ZFYVE28: variants seen among roughly 807,000 people sequenced by gnomAD.
The protein encoded by ZFYVE28 is lateral signaling target protein 2 homolog.
A neutral mutation model predicts 82.1 loss-of-function variants in ZFYVE28; 40 were observed. The ratio of observed to expected loss-of-function variants is 0.49; its 90% CI spans 0.38 to 0.63. The LOEUF (loss-of-function observed/expected upper bound fraction) is 0.63. ZFYVE28 is among the 30% of genes least tolerant of loss of function. The pLI is 0.00. For synonymous variants in ZFYVE28, 612 were observed against 546.1 expected (o/e 1.12, Z -1.68); for missense variants, 1,321 against 1,242.1 (o/e 1.06, Z -0.96).
intron 7 of ZFYVE28, among the ~76,000 whole-genome samples, chr4:2,317,419 T>C (rs1229233656): frequency 6.6e-6 from 1 of 152,236 alleles, no homozygotes; most frequent in Non-Finnish European, 1.5e-5. Flanking sequence ...AGGTCCATTG[T>C]TGCATTCCCT....
Position 2,297,491 on chromosome 4 carries a change from G to A in ZFYVE28, c.2051+6798C>T, listed in dbSNP as rs145379423. ...CTGGAGGCCAGGACCCACTGTCCGGGAGCGAGGTCATGAAGCGCCACTGCA... is the reference window on the plus strand; with the variant it reads ...CTGGAGGCCAGGACCCACTGTCCGGAAGCGAGGTCATGAAGCGCCACTGCA... On this transcript the variant is annotated intron_variant, in intron 8 of 12. Coordinates refer to ENST00000290974, the MANE Select transcript of ZFYVE28 (RefSeq NM_020972.3). Among the ~76,000 whole-genome samples the A allele has an allele frequency of 7.2e-3, 1,091 of 152,354 alleles. 12 individuals are homozygous for A. The highest frequency in any genetic ancestry group is 9.3e-3 in the Non-Finnish European group (636 of 68,034).
chr4:2,318,787 C>G (rs1023058249), intron 7 of ZFYVE28, among the ~76,000 whole-genome samples: 2 of 152,214 alleles, frequency 1.3e-5, no homozygotes, highest in Non-Finnish European at 2.9e-5. Flanking sequence ...TACCTGTAAT[C>G]CCAACCCTTT....
At chr4:2,283,450 C>CCCAT (rs1712250203) in intron 8 of ZFYVE28, among the ~76,000 whole-genome samples, 1 of 131,934 alleles carries the variant, frequency 7.6e-6, no homozygotes, top group Non-Finnish European at 1.6e-5. Flanking sequence ...CATCCATCCA[C>CCCAT]CCATCCACCC....
At chr4:2,321,376 C>T (rs1197998168) in intron 6 of ZFYVE28, among the ~76,000 whole-genome samples, 1 of 152,152 alleles carries the variant, frequency 6.6e-6, no homozygotes, top group African/African-American at 2.4e-5. Flanking sequence ...GAATGTTTTT[C>T]CCTAAAAATC....
intron 8 of ZFYVE28, among the ~76,000 whole-genome samples, chr4:2,278,020 T>C (rs1304170709): frequency 1.3e-5 from 2 of 152,048 alleles, no homozygotes; most frequent in South Asian, 4.1e-4. Context: ...AAGAAACCCA[T>C]ATGCTTATGG....
chr4:2,281,503 C>T (rs549525128), intron 8 of ZFYVE28, among the ~76,000 whole-genome samples: 1 of 152,220 alleles, frequency 6.6e-6, no homozygotes, highest in African/African-American at 2.4e-5. Context: ...AGGAAGGCAT[C>T]GCATGGGCAA....
intron 1 of ZFYVE28, among the ~76,000 whole-genome samples, chr4:2,384,470 C>A (rs1729044827): frequency 6.6e-6 from 1 of 152,182 alleles, no homozygotes; most frequent in Admixed American, 6.5e-5. Flanking sequence ...GGGGCACAGG[C>A]AGGCCACCAG....
At chr4:2,374,560 G>A (rs952862963) in intron 1 of ZFYVE28, among the ~76,000 whole-genome samples, 2 of 152,172 alleles carry the variant, frequency 1.3e-5, no homozygotes, top group African/African-American at 2.4e-5. Flanking sequence ...GCTGCAGTGA[G>A]CTGAGACTGC....
At chr4:2,301,861 G>A (rs1362184126) in intron 8 of ZFYVE28, among the ~76,000 whole-genome samples, 2 of 152,240 alleles carry the variant, frequency 1.3e-5, no homozygotes, top group Non-Finnish European at 1.5e-5. Context: ...TGAAGCTCAT[G>A]CTGCATCTCA....
At chr4:2,283,439 T>C (rs1290080127) in intron 8 of ZFYVE28, among the ~76,000 whole-genome samples, 169 of 53,008 alleles carry the variant, frequency 3.2e-3, no homozygotes, top group Middle Eastern at 0.017. Context: ...ACCCATCCAC[T>C]CATCCATCCA....
rs930200997 is a variant in ZFYVE28 at position 2,416,293 on chromosome 4, A to G, written c.39+1992T>C. Among the ~76,000 whole-genome samples the G allele has an allele frequency of 2.6e-5, 4 of 152,168 alleles. No homozygotes were observed. The highest frequency in any genetic ancestry group is 2.6e-4 in the Admixed American group (4 of 15,282). Reference sequence around the variant, plus strand: ...CAGCTACTCATGAAACAGAGTCTACAATTATTTTTCCTTCCTTTTCAACAC... The same window carrying G: ...CAGCTACTCATGAAACAGAGTCTACGATTATTTTTCCTTCCTTTTCAACAC... On this transcript the variant is annotated intron_variant, in intron 1 of 12. Transcript: ENST00000290974. The surrounding 1 kb of genome is among the most constrained non-coding windows in gnomAD (Gnocchi z 4.6).
chr4:2,285,908 TG>T (rs1712656833), intron 8 of ZFYVE28: 1 of 152,204 alleles, frequency 6.6e-6, no homozygotes, highest in Admixed American at 6.5e-5. Flanking sequence ...AGGTCTCTCC[TG>T]GATGTGTCAC....
chr4:2,390,809 T>C (rs922958657), intron 1 of ZFYVE28, among the ~76,000 whole-genome samples: 3 of 152,250 alleles, frequency 2.0e-5, no homozygotes, highest in African/African-American at 7.2e-5. Context: ...GTTTTCTTTT[T>C]GTAAGAAAAC....
At chr4:2,343,111 G>A (rs1723047057) in intron 2 of ZFYVE28, 1 of 152,202 alleles carries the variant, frequency 6.6e-6, no homozygotes, top group Non-Finnish European at 1.5e-5. Flanking sequence ...CACTGACGAT[G>A]TGCCTAATCC....
Position 2,271,540 on chromosome 4 carries a change from G to C in ZFYVE28, c.2429-126C>G, listed in dbSNP as rs376967771. The C allele has an allele frequency of 6.6e-4, 940 of 1,417,292 alleles. 18 individuals are homozygous for C. The South Asian group carries it at 0.011, about 16-fold the overall frequency. 87.8% of individuals were successfully genotyped at this position (1,417,292 alleles called of 1,614,324 possible). A position where few individuals can be genotyped will look rare whatever the true frequency, so the allele number is the denominator to read the frequency against. On this transcript the variant is annotated intron_variant, in intron 11 of 12. Transcript: ENST00000290974. ...CCGCCTGGCCTCCAGCCAGCCTCCG[G>C]GGGGGCGGTCTCCCAGCTCCCACAT...
At chr4:2,288,875 G>A (rs916360521) in intron 8 of ZFYVE28, among the ~76,000 whole-genome samples, 6 of 152,276 alleles carry the variant, frequency 3.9e-5, no homozygotes, top group African/African-American at 1.2e-4. Flanking sequence ...CAAGCTACTC[G>A]GGATCACTTG....
In ZFYVE28 at chr4:2,394,307, G is replaced by A. The variant is rs1045630459; in HGVS notation, c.39+23978C>T. Among the ~76,000 whole-genome samples the A allele has an allele frequency of 1.3e-5, 2 of 152,106 alleles. No homozygotes were observed. The highest frequency in any genetic ancestry group is 4.8e-5 in the African/African-American group (2 of 41,398). On this transcript the variant is annotated intron_variant, in intron 1 of 12. Transcript: ENST00000290974. The surrounding 1 kb of genome is among the most constrained non-coding windows in gnomAD (Gnocchi z 4.0). The stretch of plus-strand genomic sequence containing the variant: ...CATGGGTTCCAGGGATTCACACATG[G>A]ACACCTTTGGGGGCCATCATTCTGC...
chr4:2,404,871 T>TC (rs1423887522), intron 1 of ZFYVE28, among the ~76,000 whole-genome samples: 1 of 148,916 alleles, frequency 6.7e-6, no homozygotes, highest in Non-Finnish European at 1.5e-5. Context: ...TTTTTTTTTT[T>TC]TTTTTTGAGA....
At chr4:2,364,205 C>G (rs1442032864) in intron 1 of ZFYVE28, among the ~76,000 whole-genome samples, 1 of 152,196 alleles carries the variant, frequency 6.6e-6, no homozygotes, top group Non-Finnish European at 1.5e-5. Context: ...GCACCTGGGA[C>G]AGCCTGCACA....
Sources: gnomAD v4.1 joint callset for allele counts (sites outside exome capture counted in the v4.1 genomes callset) on GRCh38, gnomAD v4.1.1 for gene constraint, Gnocchi (gnomAD v3.1) non-coding constraint, MANE v1.5 for transcripts, NCBI Gene and HGNC (gene_info 2026-07-23, HGNC 2026-07-21) for gene names.